The following SMTNL2 variants were observed in gnomAD, a reference collection of about 807,000 sequenced individuals.
The protein encoded by SMTNL2 is smoothelin like 2.
SMTNL2 carries 43 observed loss-of-function variants against 44.1 expected under a neutral mutation model. The ratio of observed to expected loss-of-function variants is 0.98; its 90% CI spans 0.76 to 1.26. The LOEUF (loss-of-function observed/expected upper bound fraction) is 1.26. Among genes scored for constraint, SMTNL2 ranks in the 50% most tolerant of loss-of-function variants. SMTNL2 has a pLI of 0.00. For missense variants in SMTNL2, 646 were observed against 670.2 expected, an observed-to-expected ratio of 0.96 and a Z score of 0.40; for synonymous variants, 317 against 287.6, an observed-to-expected ratio of 1.10 and a Z score of -1.03.
chr17:4,595,433 A>C lies in SMTNL2; in HGVS notation c.989+106A>C, dbSNP rs978203745. ...AAGGTTCAGCCCTGTCCTGTTCCCC[A>C]GGGCGCTGTTGCCCAGGACAAGATC... On this transcript the variant is annotated intron_variant, in intron 5 of 7. Transcript: ENST00000389313. This position sits in a 1 kb window ranked among gnomAD's most constrained non-coding sequence, Gnocchi z 5.1. 7 of 1,443,848 alleles carry C rather than the reference A, an allele frequency of 4.8e-6. No individual in the cohort carries two copies. The highest frequency in any genetic ancestry group is 6.5e-6 in the Non-Finnish European group (7 of 1,075,542). 89.4% of individuals were successfully genotyped at this position (1,443,848 alleles called of 1,614,324 possible).
In SMTNL2 at chr17:4,593,035, G is replaced by C. The variant is rs766279744; in HGVS notation, c.594G>C (p.Thr198=). The C allele has an allele frequency of 1.2e-6, 2 of 1,614,016 alleles. No homozygotes were observed. The highest frequency in any genetic ancestry group is 1.7e-4 in the Middle Eastern group (1 of 6,058). ...TGCGGCTGCCCCACCAGCCAGTCAC[G>C]GCCATCACCCGAGTCTCTGACAGGT... is the stretch of plus-strand genomic sequence containing the variant. ...LSLRLPHQPV[T]AITRVSDRFS... Residue 198 remains threonine (T), a synonymous_variant, in exon 3 of 8, where the codon ACG becomes ACC. Coordinates refer to ENST00000389313, the MANE Select transcript of SMTNL2 (RefSeq NM_001114974.2).
In SMTNL2 at chr17:4,607,436, T is replaced by C; in HGVS notation, c.1335T>C (p.Cys445=). The C allele has an allele frequency of 1.9e-6, 3 of 1,614,202 alleles. No homozygotes were observed. Among genetic ancestry groups the C allele is most frequent in the Non-Finnish European group, 2.5e-6 (3 of 1,180,034 alleles). ...TGGGCCGCAAGCCGGACCCCATGTG[T>C]GTCTTCACCTACGTCCAGTCGCTGT... ...MVMGRKPDPM[C]VFTYVQSLYN... is the part of the protein sequence containing the mutation. Residue 445 remains cysteine (C), a synonymous_variant, in exon 8 of 8, where the codon TGT becomes TGC. Transcript: ENST00000389313. The surrounding 1 kb of genome is among the most constrained non-coding windows in gnomAD (Gnocchi z 4.7).
chr17:4,586,512 AAGAGAGAG>A (rs10565578), intron 1 of SMTNL2, among the ~76,000 whole-genome samples: 119 of 148,940 alleles, frequency 8.0e-4, no homozygotes, highest in Middle Eastern at 3.5e-3. Context: ...TGTACACACA[AAGAGAGAG>A]AGAGAGAGAG....
At chr17:4,606,413 C>A (rs1251084032) in intron 7 of SMTNL2, among the ~76,000 whole-genome samples, 1 of 151,622 alleles carries the variant, frequency 6.6e-6, no homozygotes, top group Non-Finnish European at 1.5e-5. Context: ...TGAGCCACCA[C>A]ATCCAGCCTA....
chr17:4,589,576 C>T (rs987032435), intron 1 of SMTNL2, among the ~76,000 whole-genome samples: 1 of 152,130 alleles, frequency 6.6e-6, no homozygotes, highest in African/African-American at 2.4e-5. Flanking sequence ...GCTCAGGGGT[C>T]GCCTCCTCTC....
chr17:4,603,359 G>A (rs1441097649), intron 7 of SMTNL2, among the ~76,000 whole-genome samples: 1 of 152,152 alleles, frequency 6.6e-6, no homozygotes, highest in Non-Finnish European at 1.5e-5. Flanking sequence ...CTGACATGGG[G>A]GAAAAATCAG....
chr17:4,589,881 G>A (rs1250416821), intron 1 of SMTNL2, among the ~76,000 whole-genome samples: 2 of 140,442 alleles, frequency 1.4e-5, no homozygotes, highest in Non-Finnish European at 3.0e-5. Flanking sequence ...ATGGATGCCT[G>A]GTTGGATTTC....
intron 7 of SMTNL2, among the ~76,000 whole-genome samples, chr17:4,603,780 T>G (rs1372928433): frequency 6.6e-6 from 1 of 152,180 alleles, no homozygotes; most frequent in African/African-American, 2.4e-5. Flanking sequence ...GCACCAGATA[T>G]GAAATGATCG....
rs1909752816 is a variant in SMTNL2, at chr17:4,595,168, A to G, written c.830A>G (p.Gln277Arg). 1 of 1,613,120 alleles carries G rather than the reference A, an allele frequency of 6.2e-7. No homozygotes were observed. The change falls in exon 5 of 8, where the codon CAG (glutamine) becomes CGG (arginine). Residue 277 changes from glutamine to arginine, a missense_variant. Transcript: ENST00000389313. This position sits in a 1 kb window ranked among gnomAD's most constrained non-coding sequence, Gnocchi z 5.1. The stretch of plus-strand genomic sequence containing the variant: ...AGCCCACCGCTGGTGACACCACCCC[A>G]GTCGCCCGTGTCCCCGCAGCCGCCA... ...SNSPPLVTPP[Q>R]SPVSPQPPAI... is the part of the protein sequence containing the mutation.
At position 4,607,373 on chromosome 17, in the gene SMTNL2, C is replaced by T. The variant is rs973291810; in HGVS notation, c.1272C>T (p.Asn424=). The T allele has an allele frequency of 1.2e-6, 2 of 1,614,176 alleles. No individual in the cohort carries two copies. Among genetic ancestry groups the T allele is most frequent in the African/African-American group, 2.7e-5 (2 of 75,048 alleles). Residue 424 remains asparagine (N), a synonymous_variant, in exon 8 of 8, where the codon AAC becomes AAT. Coordinates refer to ENST00000389313, the MANE Select transcript of SMTNL2 (RefSeq NM_001114974.2). The surrounding 1 kb of genome is among the most constrained non-coding windows in gnomAD (Gnocchi z 4.7). ...LAFTMAENLA[N]CERLIEVEDM... The stretch of plus-strand genomic sequence containing the variant: ...TTGTGTGTTTCAGGAATCTGGCCAA[C>T]TGTGAGCGCCTCATCGAAGTGGAGG...
At position 4,584,821 on chromosome 17, in the gene SMTNL2, G is replaced by A; in HGVS notation, c.216G>A (p.Ala72=). 1 of 1,326,686 alleles carries A rather than the reference G, an allele frequency of 7.5e-7. No homozygotes were observed. The highest frequency in any genetic ancestry group is 9.6e-7 in the Non-Finnish European group (1 of 1,039,654). 82.2% of individuals were successfully genotyped at this position (1,326,686 alleles called of 1,614,324 possible). A position where few individuals can be genotyped will look rare whatever the true frequency, so the allele number is the denominator to read the frequency against. ...DLQRDNQRLQ[A]QLERLTRQVE... ...AGCGGGACAACCAGCGGCTGCAGGC[G>A]CAGCTCGAGCGCCTGACGCGCCAGG... Residue 72 remains alanine (A), a synonymous_variant, in exon 1 of 8, where the codon GCG becomes GCA. Transcript: ENST00000389313.
intron 4 of SMTNL2, among the ~76,000 whole-genome samples, chr17:4,594,481 G>GAATAACA (rs1909719569): frequency 7.7e-6 from 1 of 129,802 alleles, no homozygotes; most frequent in East Asian, 2.1e-4. Context: ...ATAAATAAAT[G>GAATAACA]AATAAAAAAC....
chr17:4,592,701 C>A lies in SMTNL2; in HGVS notation c.488-228C>A, dbSNP rs78062014. Reference sequence around the variant, plus strand: ...GGAAAGCAAATAGAGGCTGAGGAGCCGACTAGTATTTATTAAGCTGGCCAT... The same window carrying A: ...GGAAAGCAAATAGAGGCTGAGGAGCAGACTAGTATTTATTAAGCTGGCCAT... On this transcript the variant is annotated intron_variant, in intron 2 of 7. Coordinates refer to ENST00000389313, the MANE Select transcript of SMTNL2 (RefSeq NM_001114974.2). The surrounding 1 kb of genome is among the most constrained non-coding windows in gnomAD (Gnocchi z 4.5). 2.6e-5 allele frequency among the ~76,000 whole-genome samples: 4 copies of A among 151,942 alleles called. No individual in the cohort carries two copies. The highest frequency in any genetic ancestry group is 6.6e-5 in the Admixed American group (1 of 15,254).
At chr17:4,590,689 T>C (rs1363926669) in intron 1 of SMTNL2, among the ~76,000 whole-genome samples, 1 of 152,056 alleles carries the variant, frequency 6.6e-6, no homozygotes. Flanking sequence ...CCAGATCCCT[T>C]TTCCCCAAAG....
chr17:4,588,797 C>G (rs1288180768), intron 1 of SMTNL2, among the ~76,000 whole-genome samples: 2 of 152,248 alleles, frequency 1.3e-5, no homozygotes, highest in Non-Finnish European at 2.9e-5. Flanking sequence ...GGCCAGAGCA[C>G]TTTGTGGACA....
In SMTNL2 at chr17:4,595,128, GGCGATTCTTTCCTCA is replaced by G; in HGVS notation, c.807-14_807del. The G allele has an allele frequency of 6.2e-7, 1 of 1,613,012 alleles. No homozygotes were observed. Among genetic ancestry groups the G allele is most frequent in the Non-Finnish European group, 8.5e-7 (1 of 1,179,942 alleles). The stretch of plus-strand genomic sequence containing the variant: ...GGCTGCTGGGCCCAGGTCCCAACTC[GGCGATTCTTTCCTCA>G]GCCCACCGCTGGTGACACCACCCCA... On this transcript the variant is annotated splice_acceptor_variant and splice_polypyrimidine_tract_variant and intron_variant, in intron 4 of 7. Coordinates refer to ENST00000389313, the MANE Select transcript of SMTNL2 (RefSeq NM_001114974.2). LOFTEE classifies it high-confidence loss of function. This position sits in a 1 kb window ranked among gnomAD's most constrained non-coding sequence, Gnocchi z 5.1.
chr17:4,605,587 G>A (rs1034106594), intron 7 of SMTNL2, among the ~76,000 whole-genome samples: 3 of 152,158 alleles, frequency 2.0e-5, no homozygotes, highest in East Asian at 1.9e-4. Flanking sequence ...ACTGAAGCCC[G>A]GAGAAATGAA....
At position 4,592,558 on chromosome 17, in the gene SMTNL2, A is replaced by C; in HGVS notation, c.487+110A>C. The C allele has an allele frequency of 2.0e-6, 2 of 987,842 alleles. No homozygotes were observed. Among genetic ancestry groups the C allele is most frequent in the Non-Finnish European group, 3.0e-6 (2 of 673,916 alleles). The allele number at this position is 987,842 out of a possible 1,614,324, so 61.2% of individuals were successfully genotyped here. ...CTTGGCCTGGCATCGGGGGGACTCT[A>C]TCCTGAACCCCAGCAGGGAGAGAGG... On this transcript the variant is annotated intron_variant, in intron 2 of 7. Transcript: ENST00000389313. This position sits in a 1 kb window ranked among gnomAD's most constrained non-coding sequence, Gnocchi z 4.5.
intron 1 of SMTNL2, among the ~76,000 whole-genome samples, chr17:4,587,068 A>G: frequency 6.6e-6 from 1 of 152,196 alleles, no homozygotes; most frequent in Non-Finnish European, 1.5e-5. Context: ...GGGAACTGCC[A>G]GGGAGTGAGG....
Sources: allele counts gnomAD v4.1 joint callset (sites outside exome capture counted in the v4.1 genomes callset), GRCh38; gene constraint gnomAD v4.1.1; non-coding constraint Gnocchi (gnomAD v3.1); transcripts MANE v1.5; gene names NCBI Gene and HGNC (gene_info 2026-07-23, HGNC 2026-07-21).